The following ROR1 variants were observed in gnomAD, a reference collection of about 807,000 sequenced individuals.
ROR1 encodes inactive tyrosine-protein kinase transmembrane receptor ROR1.
Under a neutral mutation model 78.8 loss-of-function variants are expected in ROR1, and 19 were observed. That is an observed-to-expected ratio of 0.24 (90% CI 0.17 to 0.35). ROR1 has a LOEUF of 0.35. ROR1 is among the 10% of genes least tolerant of loss of function. The pLI, the probability that ROR1 is intolerant of heterozygous loss-of-function variation, is 1.00. For synonymous variants in ROR1, 386 were observed against 433.6 expected (o/e 0.89, Z 1.36); for missense variants, 917 against 1,177.8 (o/e 0.78, Z 3.24).
chr1:63,883,809 A>G (rs1645339204), intron 1 of ROR1, among the ~76,000 whole-genome samples: 1 of 152,066 alleles, frequency 6.6e-6, no homozygotes, highest in South Asian at 2.1e-4. Context: ...CACCATCACG[A>G]TACACCTTCC....
At chr1:63,914,839 TCTC>T (rs1253146785) in intron 1 of ROR1, among the ~76,000 whole-genome samples, 1 of 152,108 alleles carries the variant, frequency 6.6e-6, no homozygotes, top group African/African-American at 2.4e-5. Flanking sequence ...CAGTCTCTCT[TCTC>T]TGTTGCTTCC....
At chr1:63,823,834 G>A (rs1644938233) in intron 1 of ROR1, among the ~76,000 whole-genome samples, 1 of 151,104 alleles carries the variant, frequency 6.6e-6, no homozygotes, top group Non-Finnish European at 1.5e-5. Context: ...TGCAACCTCT[G>A]CCTCCCGGGT....
At chr1:64,142,783 A>C (rs1017783559) in intron 7 of ROR1, 133 bp downstream of exon 7, 1 of 1,461,568 alleles carries the variant, frequency 6.8e-7, no homozygotes, top group South Asian at 1.4e-5. Flanking sequence ...ATCTGGTTTT[A>C]GGGTAAACCT....
intron 1 of ROR1, among the ~76,000 whole-genome samples, chr1:63,923,903 C>G (rs528735821): frequency 1.3e-5 from 2 of 151,924 alleles, no homozygotes; most frequent in South Asian, 4.2e-4. Context: ...CTTGGATGCA[C>G]CAAAACCAGG....
intron 2 of ROR1, among the ~76,000 whole-genome samples, chr1:64,026,856 G>A (rs886387781): frequency 1.3e-5 from 2 of 152,146 alleles, no homozygotes; most frequent in African/African-American, 4.8e-5. Flanking sequence ...CTCAACACAT[G>A]GGGATTATGG....
At chr1:64,078,348 T>C (rs1647069986) in intron 4 of ROR1, among the ~76,000 whole-genome samples, 1 of 152,176 alleles carries the variant, frequency 6.6e-6, no homozygotes, top group Non-Finnish European at 1.5e-5. Context: ...TTTGGAGAAC[T>C]GCAGATCTTT....
chr1:64,031,489 T>A (rs1951852), intron 2 of ROR1, among the ~76,000 whole-genome samples: 10,324 of 152,210 alleles, frequency 0.068, 524 homozygotes, highest in African/African-American at 0.15. Context: ...TGTGTGAAAA[T>A]GTCTCCCCCA....
intron 4 of ROR1, among the ~76,000 whole-genome samples, chr1:64,064,529 G>T (rs80310215): frequency 5.8e-4 from 88 of 152,280 alleles, no homozygotes; most frequent in African/African-American, 2.1e-3. Context: ...GGCAAGGAAC[G>T]GATCTGAAGA....
intron 1 of ROR1, among the ~76,000 whole-genome samples, chr1:63,864,809 G>T (rs1183496554): frequency 4.5e-4 from 58 of 129,208 alleles, no homozygotes; most frequent in African/African-American, 1.4e-3. Flanking sequence ...TTTTTTTTTT[G>T]CCTCCAAATT....
In ROR1 at chr1:64,161,238, T is replaced by C. The variant is rs114761419; in HGVS notation, c.1386+2046T>C. 8.0e-3 allele frequency among the ~76,000 whole-genome samples: 1,212 copies of C among 152,312 alleles called. 12 individuals are homozygous for C. The highest frequency in any genetic ancestry group is 0.019 in the South Asian group (90 of 4,826). On this transcript the variant is annotated intron_variant, in intron 8 of 8. Transcript: ENST00000371079. ...GTAATTGAGACACAAACAGACTAAGTAACTTCCCCAAGGTCCAAGAGCTAG... is the reference window on the plus strand; with the variant it reads ...GTAATTGAGACACAAACAGACTAAGCAACTTCCCCAAGGTCCAAGAGCTAG...
At chr1:64,034,560 A>G (rs1241174150) in intron 2 of ROR1, among the ~76,000 whole-genome samples, 1 of 151,788 alleles carries the variant, frequency 6.6e-6, no homozygotes, top group Non-Finnish European at 1.5e-5. Context: ...TCTCTCACTC[A>G]CTCATCTGCA....
intron 8 of ROR1, among the ~76,000 whole-genome samples, chr1:64,166,224 A>G (rs944109120): frequency 5.9e-5 from 9 of 152,150 alleles, no homozygotes; most frequent in African/African-American, 1.4e-4. Context: ...CCATTGTTCT[A>G]TGTGTCTGTT....
chr1:64,047,991 C>T (rs1050355626), intron 2 of ROR1, among the ~76,000 whole-genome samples: 1 of 152,214 alleles, frequency 6.6e-6, no homozygotes, highest in Admixed American at 6.5e-5. Flanking sequence ...GTGAGACACA[C>T]TCCTGTGAGG....
At chr1:63,952,323 G>A (rs1159707739) in intron 1 of ROR1, among the ~76,000 whole-genome samples, 1 of 152,190 alleles carries the variant, frequency 6.6e-6, no homozygotes, top group Non-Finnish European at 1.5e-5. Flanking sequence ...ATTGAGAAAA[G>A]CAGAACTAGG....
intron 4 of ROR1, among the ~76,000 whole-genome samples, chr1:64,129,942 C>T (rs768049076): frequency 8.5e-5 from 13 of 152,104 alleles, no homozygotes; most frequent in Admixed American, 2.0e-4. Flanking sequence ...GTAACTCTTC[C>T]GTGCTGCTCT....
At chr1:63,802,364 T>G (rs992913476) in intron 1 of ROR1, among the ~76,000 whole-genome samples, 1 of 152,228 alleles carries the variant, frequency 6.6e-6, no homozygotes, top group Admixed American at 6.5e-5. Context: ...AGTGAGTTAG[T>G]TATGTGGAGG....
At chr1:64,175,608 G>T (rs1233881329) in intron 8 of ROR1, among the ~76,000 whole-genome samples, 5 of 152,134 alleles carry the variant, frequency 3.3e-5, no homozygotes, top group Admixed American at 3.3e-4. Context: ...CACAAAATCT[G>T]CTTTGATGAA....
intron 1 of ROR1, among the ~76,000 whole-genome samples, chr1:63,905,717 T>A (rs980198880): frequency 2.6e-5 from 4 of 152,198 alleles, no homozygotes; most frequent in Non-Finnish European, 5.9e-5. Context: ...CTATTGACGT[T>A]CTAGCTTGAC....
At chr1:64,055,650 C>G (rs2100598718) in intron 4 of ROR1, among the ~76,000 whole-genome samples, 1 of 152,318 alleles carries the variant, frequency 6.6e-6, no homozygotes, top group Non-Finnish European at 1.5e-5. Flanking sequence ...CATATATTCC[C>G]TGTGTATTTT....
Sources: allele counts gnomAD v4.1 joint callset (sites outside exome capture counted in the v4.1 genomes callset), GRCh38; gene constraint gnomAD v4.1.1; transcripts MANE v1.5; gene names NCBI Gene and HGNC (gene_info 2026-07-23, HGNC 2026-07-21).